The following RBX1 variants were observed in gnomAD, a reference collection of about 807,000 sequenced individuals.
The protein encoded by RBX1 is E3 ubiquitin-protein ligase RBX1.
For missense variants in RBX1, 46 were observed against 141.4 expected, an observed-to-expected ratio of 0.33 and a Z score of 3.42; for synonymous variants, 48 against 47.9, an observed-to-expected ratio of 1.00 and a Z score of -0.01.
At chr22:40,958,803 G>GGTTTC (rs2058332215) in intron 2 of RBX1, among the ~76,000 whole-genome samples, 1 of 151,758 alleles carries the variant, frequency 6.6e-6, no homozygotes, top group South Asian at 2.1e-4. Context: ...GGTTTGGTTT[G>GGTTTC]GTTTGGTTTG....
intron 2 of RBX1, among the ~76,000 whole-genome samples, chr22:40,953,875 T>A (rs2058318087): frequency 6.6e-6 from 1 of 152,196 alleles, no homozygotes; most frequent in South Asian, 2.1e-4. Context: ...CATTTAGAAT[T>A]AATTGTGGAC....
intron 1 of RBX1, among the ~76,000 whole-genome samples, chr22:40,952,983 C>CTTTTTTTT (rs34618218): frequency 3.7e-4 from 32 of 86,904 alleles, no homozygotes; most frequent in Non-Finnish European, 5.4e-4. Context: ...AGTTTGTGCC[C>CTTTTTTTT]TTTTTTTTTT....
chr22:40,956,971 G>T (rs1443415129), intron 2 of RBX1, among the ~76,000 whole-genome samples: 2 of 151,980 alleles, frequency 1.3e-5, no homozygotes, highest in Non-Finnish European at 2.9e-5. Flanking sequence ...GGAGGCGGAG[G>T]TTGCAGTGAG....
At chr22:40,972,295 TG>T (rs1476511707) in intron 4 of RBX1, among the ~76,000 whole-genome samples, 180 bp from the exon 5 acceptor site, 1 of 152,060 alleles carries the variant, frequency 6.6e-6, no homozygotes, top group Non-Finnish European at 1.5e-5. Context: ...TCCTGTAAGA[TG>T]GGGAGGGGAA....
intron 2 of RBX1, among the ~76,000 whole-genome samples, chr22:40,958,114 A>G (rs1449519476): frequency 6.6e-6 from 1 of 151,792 alleles, no homozygotes; most frequent in African/African-American, 2.4e-5. Flanking sequence ...GAGCCACCGC[A>G]TCTAGCTGCT....
At chr22:40,960,562 G>T (rs1377890839) in intron 2 of RBX1, among the ~76,000 whole-genome samples, 1 of 152,120 alleles carries the variant, frequency 6.6e-6, no homozygotes, top group Non-Finnish European at 1.5e-5. Context: ...ACACGATAAT[G>T]TACCTTGAAA....
intron 4 of RBX1, 55 bp from the exon 5 acceptor site, chr22:40,972,421 T>A (rs2058371551): frequency 2.7e-6 from 4 of 1,476,536 alleles, no homozygotes; most frequent in Non-Finnish European, 2.8e-6. Context: ...AGGTTTTATG[T>A]CTCAAACAGG....
At chr22:40,969,431 G>C (rs890999816) in intron 4 of RBX1, among the ~76,000 whole-genome samples, 1 of 152,106 alleles carries the variant, frequency 6.6e-6, no homozygotes, top group South Asian at 2.1e-4. Context: ...ATCTGGAGCA[G>C]TAATTCCTAA....
intron 1 of RBX1, among the ~76,000 whole-genome samples, chr22:40,952,740 T>C (rs2058314832): frequency 6.6e-6 from 1 of 152,184 alleles, no homozygotes; most frequent in South Asian, 2.1e-4. Flanking sequence ...TTGTAGAATT[T>C]GTTATGAAGT....
chr22:40,955,751 G>C (rs987287643), intron 2 of RBX1, among the ~76,000 whole-genome samples: 1 of 152,174 alleles, frequency 6.6e-6, no homozygotes, highest in African/African-American at 2.4e-5. Context: ...AATATTTTCT[G>C]TTGGAAAGCA....
At chr22:40,955,024 T>A (rs1341492664) in intron 2 of RBX1, among the ~76,000 whole-genome samples, 1 of 152,246 alleles carries the variant, frequency 6.6e-6, no homozygotes, top group East Asian at 1.9e-4. Context: ...TGACCTCGGG[T>A]GATCCGCGTG....
chr22:40,954,370 A>G (rs1421349979), intron 2 of RBX1, among the ~76,000 whole-genome samples: 3 of 152,200 alleles, frequency 2.0e-5, no homozygotes, highest in East Asian at 1.9e-4. Context: ...AGGCCCAAAC[A>G]TAATAAAAAG....
chr22:40,956,608 C>T (rs1484734197), intron 2 of RBX1, among the ~76,000 whole-genome samples: 1 of 151,836 alleles, frequency 6.6e-6, no homozygotes, highest in Non-Finnish European at 1.5e-5. Flanking sequence ...GCCTTGGCCT[C>T]TCAAACCGCT....
intron 2 of RBX1, 102 bp downstream of exon 2, chr22:40,953,735 C>T (rs1483238981): frequency 1.3e-6 from 1 of 774,110 alleles, no homozygotes; most frequent in East Asian, 2.7e-5. Context: ...GATAGCAAGC[C>T]TACTCTGAGC....
At chr22:40,961,539 G>C (rs2058340318) in intron 2 of RBX1, among the ~76,000 whole-genome samples, 1 of 151,454 alleles carries the variant, frequency 6.6e-6, no homozygotes, top group African/African-American at 2.4e-5. Context: ...TCAGCCTCCT[G>C]AGTAGCTGGG....
At chr22:40,953,979 A>C (rs551566205) in intron 2 of RBX1, among the ~76,000 whole-genome samples, 1 of 152,296 alleles carries the variant, frequency 6.6e-6, no homozygotes, top group African/African-American at 2.4e-5. Flanking sequence ...CTTTGAGCTA[A>C]AATATTCTGA....
chr22:40,961,640 G>A (rs1191422746), intron 2 of RBX1, among the ~76,000 whole-genome samples: 1 of 151,808 alleles, frequency 6.6e-6, no homozygotes, highest in Non-Finnish European at 1.5e-5. Flanking sequence ...TCCTGACCTC[G>A]TGACCCACCC....
chr22:40,956,539 C>T lies in RBX1; in HGVS notation c.157+2906C>T, dbSNP rs2058325926. ...TCATTTTTTGTATTTTTATGAGAGA[C>T]AGGGTTTCACCATGTTGGCCAGGCT... On this transcript the variant is annotated intron_variant, in intron 2 of 4. Transcript: ENST00000216225. Among the ~76,000 whole-genome samples, 3 of 151,634 alleles carry T rather than the reference C, an allele frequency of 2.0e-5. No individual in the cohort carries two copies. In the South Asian group the frequency reaches 6.3e-4, roughly 32 times the overall value.
At chr22:40,959,070 C>T (rs978444046) in intron 2 of RBX1, among the ~76,000 whole-genome samples, 1 of 152,170 alleles carries the variant, frequency 6.6e-6, no homozygotes, top group African/African-American at 2.4e-5. Context: ...CCCGGCTCGG[C>T]CTCCCAAAGT....
Sources: allele counts gnomAD v4.1 joint callset (sites outside exome capture counted in the v4.1 genomes callset), GRCh38; gene constraint gnomAD v4.1.1; transcripts MANE v1.5; gene names NCBI Gene and HGNC (gene_info 2026-07-23, HGNC 2026-07-21).